SFTPD: variants seen among roughly 807,000 people sequenced by gnomAD.
SFTPD encodes the protein pulmonary surfactant-associated protein D.
A neutral mutation model predicts 34.6 loss-of-function variants in SFTPD; 18 were observed. The observed-to-expected ratio is 0.52, with a 90% CI of 0.36 to 0.77. SFTPD has a LOEUF of 0.77. Ranked by LOEUF, SFTPD falls within the 30% of genes least tolerant of loss-of-function variation. The pLI is 0.00. For missense variants in SFTPD, 433 were observed against 468.9 expected (o/e 0.92, Z 0.71); for synonymous variants, 155 against 180.9 (o/e 0.86, Z 1.15).
At chr10:79,968,405 A>T (rs1336979923) in intron 1 of SFTPD, 2 of 152,198 alleles carry the variant, frequency 1.3e-5, no homozygotes, top group Non-Finnish European at 2.9e-5. Context: ...TACCAGTGAG[A>T]ACATGCAGTA....
intron 7 of SFTPD, among the ~76,000 whole-genome samples, chr10:79,939,765 T>A (rs1368051498): frequency 6.6e-6 from 1 of 152,210 alleles, no homozygotes; most frequent in Non-Finnish European, 1.5e-5. Context: ...AGTCAGCCCT[T>A]TTATGCTCTA....
chr10:79,945,318 C>A (rs893172839), intron 2 of SFTPD, among the ~76,000 whole-genome samples: 5 of 152,172 alleles, frequency 3.3e-5, no homozygotes, highest in African/African-American at 2.4e-5. Context: ...TGGGATCCCC[C>A]CTGGACAGCC....
intron 2 of SFTPD, among the ~76,000 whole-genome samples, chr10:79,943,734 G>A (rs17880086): frequency 0.067 from 10,152 of 152,234 alleles, 550 homozygotes; most frequent in South Asian, 0.2. Context: ...GTGGAATTCC[G>A]TGCCCTGGGT....
intron 4 of SFTPD, 122 bp from the exon 5 acceptor site, chr10:79,942,192 C>G: frequency 1.3e-6 from 1 of 793,790 alleles, no homozygotes; most frequent in South Asian, 1.6e-5. Context: ...GGAGACTCTC[C>G]TTGCTTTCTG....
At chr10:79,960,920 A>G (rs1008950262) in intron 1 of SFTPD, among the ~76,000 whole-genome samples, 85 of 150,626 alleles carry the variant, frequency 5.6e-4, no homozygotes, top group Non-Finnish European at 1.1e-3. Context: ...AGTAACCAAA[A>G]CAGCATGGTA....
At chr10:79,939,724 G>A (rs1842593204) in intron 7 of SFTPD, among the ~76,000 whole-genome samples, 1 of 152,184 alleles carries the variant, frequency 6.6e-6, no homozygotes, top group African/African-American at 2.4e-5. Context: ...TCAGAGCTTG[G>A]GTACTTAGAA....
intron 1 of SFTPD, chr10:79,971,896 A>T (rs146460489): frequency 6.6e-6 from 1 of 152,184 alleles, no homozygotes; most frequent in East Asian, 1.9e-4. Context: ...AAGACTTAAG[A>T]AGTTTTTAGC....
At chr10:79,982,284 G>A (rs1842895793) in intron 1 of SFTPD, 1 of 999,636 alleles carries the variant, frequency 1.0e-6, no homozygotes, top group East Asian at 3.7e-5. Flanking sequence ...GCCACCGCGG[G>A]GCGGTTCCCG....
chr10:79,942,206 C>G, intron 4 of SFTPD, 136 bp from the exon 5 acceptor site: 1 of 763,828 alleles, frequency 1.3e-6, no homozygotes, highest in Non-Finnish European at 2.2e-6. Context: ...CTTTCTGGGG[C>G]TCCTCTGTGG....
intron 1 of SFTPD, chr10:79,970,847 C>T (rs1029850792): frequency 6.6e-6 from 1 of 152,088 alleles, no homozygotes; most frequent in African/African-American, 2.4e-5. Context: ...ATTTGGATGT[C>T]TTTTAATTAT....
chr10:79,941,254 C>T (rs1842608165), intron 6 of SFTPD, 144 bp downstream of exon 6: 1 of 727,142 alleles, frequency 1.4e-6, no homozygotes, highest in East Asian at 2.6e-5. Context: ...GCCTTCCAGC[C>T]TGTCCGCCTT....
At chr10:79,972,975 A>G (rs912137094) in intron 1 of SFTPD, 1 of 152,192 alleles carries the variant, frequency 6.6e-6, no homozygotes, top group Non-Finnish European at 1.5e-5. Flanking sequence ...CCATCTCTCA[A>G]GGATTGACTC....
intron 1 of SFTPD, among the ~76,000 whole-genome samples, chr10:79,967,347 G>T (rs1842808845): frequency 9.4e-6 from 1 of 106,490 alleles, no homozygotes; most frequent in South Asian, 3.9e-4. Context: ...TGGGTAGGAA[G>T]AATCAATATC....
intron 1 of SFTPD, among the ~76,000 whole-genome samples, chr10:79,974,683 C>CA (rs1464375413): frequency 6.6e-6 from 1 of 152,224 alleles, no homozygotes; most frequent in African/African-American, 2.4e-5. Flanking sequence ...ACAATCCCGT[C>CA]ACCTCTCCTC....
chr10:79,962,662 A>G (rs1056245880), intron 1 of SFTPD, among the ~76,000 whole-genome samples: 1 of 152,104 alleles, frequency 6.6e-6, no homozygotes, highest in Non-Finnish European at 1.5e-5. Flanking sequence ...CTATGCTTCT[A>G]CAGTCATTTA....
chr10:79,980,267 T>G (rs1842883480), intron 1 of SFTPD, among the ~76,000 whole-genome samples: 1 of 152,002 alleles, frequency 6.6e-6, no homozygotes, highest in Admixed American at 6.6e-5. Flanking sequence ...GGACTTTGTC[T>G]TGTAACTTGG....
At chr10:79,964,112 A>G (rs1420969136) in intron 1 of SFTPD, among the ~76,000 whole-genome samples, 2 of 152,120 alleles carry the variant, frequency 1.3e-5, no homozygotes, top group East Asian at 1.9e-4. Flanking sequence ...CCTCTCAGCA[A>G]GTTGAACTCA....
chr10:79,941,603 A>G (rs1842612400), intron 5 of SFTPD, 89 bp from the exon 6 acceptor site: 1 of 968,814 alleles, frequency 1.0e-6, no homozygotes, highest in Non-Finnish European at 1.6e-6. Context: ...TGGACTAACT[A>G]TCCTTATTGC....
chr10:79,969,030 T>G (rs1210686343), intron 1 of SFTPD: 1 of 152,178 alleles, frequency 6.6e-6, no homozygotes, highest in East Asian at 1.9e-4. Context: ...CCTGTTAATT[T>G]AAGTTCCTTA....
Sources: gnomAD v4.1 joint callset for allele counts (sites outside exome capture counted in the v4.1 genomes callset) on GRCh38, gnomAD v4.1.1 for gene constraint, MANE v1.5 for transcripts, NCBI Gene and HGNC (gene_info 2026-07-23, HGNC 2026-07-21) for gene names.